SEZ6L: variants seen among roughly 807,000 people sequenced by gnomAD.
SEZ6L encodes the protein seizure 6-like protein.
In SEZ6L, 37 loss-of-function variants were observed where a neutral mutation model predicts 106.2. The ratio of observed to expected loss-of-function variants is 0.35; its 90% confidence interval spans 0.27 to 0.46. The LOEUF (loss-of-function observed/expected upper bound fraction) is 0.46. Ranked by LOEUF, SEZ6L falls within the 20% of genes least tolerant of loss-of-function variation. The pLI is 1.00. For missense variants in SEZ6L, 1,172 were observed against 1,332.8 expected (o/e 0.88, Z 1.88); for synonymous variants, 541 against 570.4 (o/e 0.95, Z 0.73).
intron 1 of SEZ6L, among the ~76,000 whole-genome samples, chr22:26,203,933 G>T (rs946081615): frequency 6.6e-6 from 1 of 152,142 alleles, no homozygotes; most frequent in Non-Finnish European, 1.5e-5. Flanking sequence ...CTGGTAATTT[G>T]CCCTACATTT....
intron 13 of SEZ6L, among the ~76,000 whole-genome samples, chr22:26,371,005 C>CAAAAA (rs59911432): frequency 5.5e-5 from 6 of 109,980 alleles, no homozygotes; most frequent in African/African-American, 1.0e-4. Context: ...CCCTGTATCA[C>CAAAAA]AAAAAAAAAA....
At chr22:26,222,975 A>G (rs2078522638) in intron 1 of SEZ6L, among the ~76,000 whole-genome samples, 1 of 121,192 alleles carries the variant, frequency 8.3e-6, no homozygotes, top group Admixed American at 8.4e-5. Flanking sequence ...GATGCATGGG[A>G]CAGCCTCCCA....
At position 26,231,894 on chromosome 22, in the gene SEZ6L, C is replaced by T. The variant is rs375152518; in HGVS notation, c.95-60512C>T. ...TGGAGGCCAACTGCAAGTGCCATGG[C>T]TGTGGACCCTGGTAAGCCAGTTTGT... On this transcript the variant is annotated intron_variant, in intron 1 of 16. Transcript: ENST00000248933. Among the ~76,000 whole-genome samples, 11 of 152,296 alleles carry T rather than the reference C, an allele frequency of 7.2e-5. No homozygotes were observed. In the South Asian group the frequency reaches 2.1e-3, roughly 29 times the overall value.
intron 12 of SEZ6L, among the ~76,000 whole-genome samples, chr22:26,352,364 G>T (rs577419099): frequency 1.1e-4 from 17 of 152,168 alleles, no homozygotes; most frequent in African/African-American, 3.9e-4. Context: ...AATACAGCCA[G>T]TTCAAACTCC....
rs757024875 is a variant in SEZ6L, at chr22:26,347,861, C to T, written c.2355C>T (p.Leu785=). ...PGYDIVGSDT[L]TCQWDLSWSS... ...ATGACATCGTGGGGAGTGACACCCT[C>T]ACCTGCCAGTGGGACCTCAGCTGGA... is the stretch of plus-strand genomic sequence containing the variant. Residue 785 remains leucine (L), a synonymous_variant, in exon 11 of 17, where the codon CTC becomes CTT. Transcript: ENST00000248933. The T allele has an allele frequency of 6.3e-7, 1 of 1,596,806 alleles. No individual in the cohort carries two copies. The highest frequency in any genetic ancestry group is 8.5e-7 in the Non-Finnish European group (1 of 1,174,624).
intron 9 of SEZ6L, among the ~76,000 whole-genome samples, chr22:26,338,241 T>C (rs2145982946): frequency 6.6e-6 from 1 of 152,342 alleles, no homozygotes; most frequent in South Asian, 2.1e-4. Context: ...AGCTTGGCTC[T>C]TTAAGCCCTT....
chr22:26,228,820 A>G (rs1602091937), intron 1 of SEZ6L, among the ~76,000 whole-genome samples: 1 of 152,204 alleles, frequency 6.6e-6, no homozygotes, highest in South Asian at 2.1e-4. Context: ...TGGCTGCACC[A>G]GAAGAGGAAC....
chr22:26,367,292 A>C (rs1359911882), intron 13 of SEZ6L, among the ~76,000 whole-genome samples: 2 of 151,990 alleles, frequency 1.3e-5, no homozygotes, highest in African/African-American at 4.8e-5. Flanking sequence ...GCCTTGCCCT[A>C]GTCCCGGCCC....
At chr22:26,331,095 C>T (rs760384784) in intron 9 of SEZ6L, among the ~76,000 whole-genome samples, 1 of 152,232 alleles carries the variant, frequency 6.6e-6, no homozygotes, top group African/African-American at 2.4e-5. Flanking sequence ...ACCTCACCTA[C>T]CACCTGCTCC....
At chr22:26,185,911 G>A (rs1939746867) in intron 1 of SEZ6L, among the ~76,000 whole-genome samples, 1 of 152,034 alleles carries the variant, frequency 6.6e-6, no homozygotes, top group African/African-American at 2.4e-5. Flanking sequence ...AATAGGGGTG[G>A]GAATCTACTC....
At chr22:26,354,133 C>T (rs1378342744) in intron 12 of SEZ6L, among the ~76,000 whole-genome samples, 1 of 152,176 alleles carries the variant, frequency 6.6e-6, no homozygotes, top group Non-Finnish European at 1.5e-5. Flanking sequence ...TAACTGTGAC[C>T]TTGATTAGAA....
chr22:26,304,213 G>A (rs780864854), intron 5 of SEZ6L, among the ~76,000 whole-genome samples: 162 of 152,006 alleles, frequency 1.1e-3, no homozygotes, highest in African/African-American at 3.3e-3. Flanking sequence ...TTAGCTGGGC[G>A]CGGTGGTGGG....
intron 9 of SEZ6L, among the ~76,000 whole-genome samples, chr22:26,330,882 G>A (rs1263957449): frequency 6.6e-6 from 1 of 152,136 alleles, no homozygotes; most frequent in Non-Finnish European, 1.5e-5. Flanking sequence ...TTAAAGAAAT[G>A]CATAAACATT....
At chr22:26,287,336 C>A (rs938557887) in intron 1 of SEZ6L, among the ~76,000 whole-genome samples, 1 of 152,138 alleles carries the variant, frequency 6.6e-6, no homozygotes, top group Admixed American at 6.6e-5. Context: ...GGGGCCAAAT[C>A]TTAGAATGTT....
intron 1 of SEZ6L, among the ~76,000 whole-genome samples, chr22:26,200,850 A>G (rs1338636353): frequency 6.6e-6 from 1 of 152,042 alleles, no homozygotes; most frequent in African/African-American, 2.4e-5. Context: ...TGCTTGAACC[A>G]CGTGGATGAC....
At chr22:26,208,894 G>A (rs1222683764) in intron 1 of SEZ6L, among the ~76,000 whole-genome samples, 1 of 139,794 alleles carries the variant, frequency 7.2e-6, no homozygotes, top group African/African-American at 2.7e-5. Flanking sequence ...GTGTGTGTGT[G>A]TGTGTGTGTG....
At position 26,294,225 on chromosome 22, in the gene SEZ6L, C is replaced by A. The variant is rs117709138; in HGVS notation, c.836-67C>A. On this transcript the variant is annotated intron_variant, in intron 2 of 16. Transcript: ENST00000248933. ...GTTCCCCTAAAGCCCCCATTCCACC[C>A]CACAGCCCATGGTTGAGCTTACATC... 3 of 1,553,156 alleles carry A rather than the reference C, an allele frequency of 1.9e-6. No individual in the cohort carries two copies. The South Asian group carries it at 3.5e-5, about 18-fold the overall frequency.
Position 26,382,034 on chromosome 22 carries a change from CTCAGACT to C in SEZ6L, c.*1743_*1749del, listed in dbSNP as rs774944913. 2 of 518,784 alleles carry C rather than the reference CTCAGACT, an allele frequency of 3.9e-6. No individual in the cohort carries two copies. The highest frequency in any genetic ancestry group is 5.4e-5 in the East Asian group (1 of 18,352). 32.1% of individuals were successfully genotyped at this position (518,784 alleles called of 1,614,324 possible). ...CATGTACCCTCCTTGACAGCAGGAA[CTCAGACT>C]TCAATCTTGGGGGTCTAAGACCAGA... On this transcript the variant is annotated 3_prime_UTR_variant, in exon 17 of 17. Coordinates refer to ENST00000248933, the MANE Select transcript of SEZ6L (RefSeq NM_021115.5).
intron 14 of SEZ6L, among the ~76,000 whole-genome samples, chr22:26,374,980 C>A (rs544247338): frequency 1.3e-5 from 2 of 152,200 alleles, no homozygotes; most frequent in Non-Finnish European, 2.9e-5. Flanking sequence ...TGCTCAGAGC[C>A]CACTCGTGGA....
Sources: allele counts gnomAD v4.1 joint callset (sites outside exome capture counted in the v4.1 genomes callset), GRCh38; gene constraint gnomAD v4.1.1; transcripts MANE v1.5; gene names NCBI Gene and HGNC (gene_info 2026-07-23, HGNC 2026-07-21).